C8orf34: variants seen among roughly 807,000 people sequenced by gnomAD.
C8orf34 encodes the protein chromosome 8 open reading frame 34.
Under a neutral mutation model 68.3 loss-of-function variants are expected in C8orf34, and 65 were observed. That is an observed-to-expected ratio of 0.95 (90% CI 0.78 to 1.17). The LOEUF is 1.17. Among genes scored for constraint, C8orf34 ranks in the 50% most tolerant of loss-of-function variants. The pLI, the probability that C8orf34 is intolerant of heterozygous loss-of-function variation, is 0.00. For synonymous variants in C8orf34, 244 were observed against 241.2 expected, an observed-to-expected ratio of 1.01 and a Z score of -0.11; for missense variants, 664 against 655.4, an observed-to-expected ratio of 1.01 and a Z score of -0.14.
intron 4 of C8orf34, 65 bp from the exon 5 acceptor site, chr8:68,487,958 T>C: frequency 9.2e-7 from 1 of 1,087,578 alleles, no homozygotes; most frequent in Non-Finnish European, 1.4e-6. Context: ...AAAGTTTGTT[T>C]TGAACATTAG....
intron 7 of C8orf34, among the ~76,000 whole-genome samples, chr8:68,579,897 C>T (rs1318443982): frequency 6.6e-6 from 1 of 152,138 alleles, no homozygotes; most frequent in African/African-American, 2.4e-5. Flanking sequence ...ACATTCTCAA[C>T]TTAGCACTCT....
intron 7 of C8orf34, among the ~76,000 whole-genome samples, chr8:68,608,227 G>A (rs1817912976): frequency 6.6e-6 from 1 of 151,926 alleles, no homozygotes; most frequent in Non-Finnish European, 1.5e-5. Flanking sequence ...AAAGAAATGA[G>A]TATAATAGAA....
intron 10 of C8orf34, among the ~76,000 whole-genome samples, chr8:68,765,538 G>C (rs1024749814): frequency 6.6e-6 from 1 of 152,142 alleles, no homozygotes; most frequent in African/African-American, 2.4e-5. Context: ...ATAATAATTT[G>C]AATAAATTAA....
chr8:68,425,737 A>G (rs1333070165), intron 1 of C8orf34, among the ~76,000 whole-genome samples: 6 of 151,898 alleles, frequency 4.0e-5, no homozygotes, highest in Non-Finnish European at 8.8e-5. Context: ...AGGAAAAAAA[A>G]AAAAAGGAAG....
chr8:68,737,090 A>G (rs1370830917), intron 10 of C8orf34, among the ~76,000 whole-genome samples: 1 of 152,092 alleles, frequency 6.6e-6, no homozygotes, highest in Non-Finnish European at 1.5e-5. Flanking sequence ...TTAACTCAGG[A>G]TGGCTTTGGA....
intron 10 of C8orf34, among the ~76,000 whole-genome samples, chr8:68,731,690 C>G (rs994519215): frequency 5.1e-4 from 78 of 152,302 alleles, no homozygotes; most frequent in African/African-American, 1.8e-3. Context: ...ATAAAACTAT[C>G]TATTAGTCTA....
rs180887497 is a variant in C8orf34, at chr8:68,378,805, T to C, written c.327+47466T>C. ...TGAGCATCTTGAAACAATACATATA[T>C]GAGATACATAAATTTAAGGATAAAT... On this transcript the variant is annotated intron_variant, in intron 1 of 13. Transcript: ENST00000518698. Among the ~76,000 whole-genome samples, 9 of 152,310 alleles carry C rather than the reference T, an allele frequency of 5.9e-5. No individual in the cohort carries two copies. In the East Asian group the frequency reaches 1.4e-3, roughly 23 times the overall value.
chr8:68,458,933 C>CA (rs1365981430), intron 3 of C8orf34, among the ~76,000 whole-genome samples: 1 of 152,110 alleles, frequency 6.6e-6, no homozygotes, highest in African/African-American at 2.4e-5. Context: ...TTTATTTTGA[C>CA]AATGTAAAAT....
rs141408929 is a variant in C8orf34 at position 68,561,805 on chromosome 8, A to G, written c.1105+28656A>G. Among the ~76,000 whole-genome samples the G allele has an allele frequency of 6.3e-3, 963 of 152,222 alleles. 12 individuals carry two copies. Among genetic ancestry groups the G allele is most frequent in the African/African-American group, 0.022 (894 of 41,538 alleles). On this transcript the variant is annotated intron_variant, in intron 7 of 13. Transcript: ENST00000518698. ...AAACCAAAAAAACAAACAAAAAAACAAGGGCACAAACACACACATTAGCCT... is the reference window on the plus strand; with the variant it reads ...AAACCAAAAAAACAAACAAAAAAACGAGGGCACAAACACACACATTAGCCT...
chr8:68,608,088 G>A (rs1316252843), intron 7 of C8orf34, among the ~76,000 whole-genome samples: 2 of 151,238 alleles, frequency 1.3e-5, no homozygotes, highest in African/African-American at 4.9e-5. Flanking sequence ...AGCTTTTACT[G>A]TGTGCTGGGC....
At chr8:68,387,535 GGAA>G (rs1808310624) in intron 1 of C8orf34, among the ~76,000 whole-genome samples, 1 of 152,132 alleles carries the variant, frequency 6.6e-6, no homozygotes, top group African/African-American at 2.4e-5. Flanking sequence ...TACAAATAGA[GGAA>G]GAAGGAGCAG....
At chr8:68,397,464 A>G (rs1808764702) in intron 1 of C8orf34, among the ~76,000 whole-genome samples, 1 of 152,198 alleles carries the variant, frequency 6.6e-6, no homozygotes, top group Non-Finnish European at 1.5e-5. Flanking sequence ...GTATATTTTT[A>G]CATTTAGCAA....
chr8:68,751,358 G>T (rs1411645457), intron 10 of C8orf34, among the ~76,000 whole-genome samples: 1 of 152,260 alleles, frequency 6.6e-6, no homozygotes, highest in South Asian at 2.1e-4. Flanking sequence ...ATATTGAAGG[G>T]TGGCATTAGA....
chr8:68,519,414 A>C (rs533364818), intron 5 of C8orf34, among the ~76,000 whole-genome samples: 2 of 152,364 alleles, frequency 1.3e-5, no homozygotes, highest in Admixed American at 1.3e-4. Context: ...ACATCCACAC[A>C]CATTTAAGAC....
intron 4 of C8orf34, among the ~76,000 whole-genome samples, chr8:68,483,272 T>C (rs1245713052): frequency 6.6e-6 from 1 of 152,142 alleles, no homozygotes; most frequent in Non-Finnish European, 1.5e-5. Flanking sequence ...ACTAATGTGT[T>C]TTGTGCTGTG....
chr8:68,368,644 A>G (rs1257878982), intron 1 of C8orf34, among the ~76,000 whole-genome samples: 2 of 152,142 alleles, frequency 1.3e-5, no homozygotes, highest in African/African-American at 2.4e-5. Flanking sequence ...TTCTCTCAAT[A>G]GTTGGCTAAA....
intron 10 of C8orf34, among the ~76,000 whole-genome samples, chr8:68,734,069 A>G (rs1163666118): frequency 1.3e-5 from 2 of 152,176 alleles, no homozygotes; most frequent in Non-Finnish European, 2.9e-5. Context: ...GTAAGAATAC[A>G]AGCATATTTT....
At chr8:68,681,071 T>C (rs1820355448) in intron 8 of C8orf34, among the ~76,000 whole-genome samples, 1 of 152,168 alleles carries the variant, frequency 6.6e-6, no homozygotes, top group Admixed American at 6.5e-5. Flanking sequence ...TGGCTGTTTT[T>C]GCTTGACCCC....
rs181507391 is a variant in C8orf34, at chr8:68,450,532, C to T, written c.607+4072C>T. ...TAATAAGACTTGAAAGTCCAGATAA[C>T]TTCTTGATTCATGGACTGCAGAATA... On this transcript the variant is annotated intron_variant, in intron 3 of 13. Coordinates refer to ENST00000518698, the MANE Select transcript of C8orf34 (RefSeq NM_052958.4). Among the ~76,000 whole-genome samples the T allele has an allele frequency of 5.6e-4, 86 of 152,238 alleles. 1 individual carries two copies. The highest frequency in any genetic ancestry group is 1.2e-3 in the Admixed American group (18 of 15,290).
Sources: gnomAD v4.1 joint callset for allele counts (sites outside exome capture counted in the v4.1 genomes callset) on GRCh38, gnomAD v4.1.1 for gene constraint, MANE v1.5 for transcripts, NCBI Gene and HGNC (gene_info 2026-07-23, HGNC 2026-07-21) for gene names.